The following PPFIA2 variants were observed in gnomAD, a reference collection of about 807,000 sequenced individuals.
The protein encoded by PPFIA2 is PPFI scaffold protein A2, also known as liprin-alpha-2.
In PPFIA2, 46 loss-of-function variants were observed where a neutral mutation model predicts 175.5. The ratio of observed to expected loss-of-function variants is 0.26; its 90% confidence interval spans 0.21 to 0.34. The LOEUF (loss-of-function observed/expected upper bound fraction) is 0.34. Ranked by LOEUF, PPFIA2 falls within the 10% of genes least tolerant of loss-of-function variation. PPFIA2 has a pLI of 1.00. For synonymous variants in PPFIA2, 568 were observed against 511.4 expected (o/e 1.11, Z -1.49); for missense variants, 1,179 against 1,506.1 (o/e 0.78, Z 3.60).
intron 4 of PPFIA2, among the ~76,000 whole-genome samples, chr12:81,479,371 T>G (rs1019513284): frequency 6.6e-6 from 1 of 152,198 alleles, no homozygotes; most frequent in South Asian, 2.1e-4. Flanking sequence ...AGGTCTTGAC[T>G]CTTTATCCAA....
chr12:81,543,000 G>A (rs900689797), intron 4 of PPFIA2, among the ~76,000 whole-genome samples: 2 of 152,054 alleles, frequency 1.3e-5, no homozygotes, highest in African/African-American at 2.4e-5. Flanking sequence ...AATTTCTTCC[G>A]CCATTTGTTT....
At chr12:81,421,808 A>C (rs2046290751) in intron 7 of PPFIA2, among the ~76,000 whole-genome samples, 2 of 151,942 alleles carry the variant, frequency 1.3e-5, no homozygotes, top group African/African-American at 4.8e-5. Context: ...TTCATAAGAC[A>C]CTCATTTTAC....
Position 81,597,815 on chromosome 12 carries a change from A to G in PPFIA2, c.303+78976T>C, listed in dbSNP as rs188844581. 756 of 858,296 alleles carry G rather than the reference A, an allele frequency of 8.8e-4. 7 individuals are homozygous for G. In the South Asian group the frequency reaches 0.01, roughly 12 times the overall value. 53.2% of individuals were successfully genotyped at this position (858,296 alleles called of 1,614,324 possible). A position where few individuals can be genotyped will look rare whatever the true frequency, so the allele number is the denominator to read the frequency against. On this transcript the variant is annotated intron_variant, in intron 4 of 32. Transcript: ENST00000549396. Reference sequence around the variant, plus strand: ...ACAGTTTAAAGTAGATTAAACTGACATGCACATTATTCATTCCATACATTT... The same window carrying G: ...ACAGTTTAAAGTAGATTAAACTGACGTGCACATTATTCATTCCATACATTT...
chr12:81,385,771 G>GC lies in PPFIA2; in HGVS notation c.763-1528_763-1527insG, dbSNP rs561152806. On this transcript the variant is annotated intron_variant, in intron 8 of 32. Transcript: ENST00000549396. ...AAGAGTAAAATAATTCAATTATACA[G>GC]TAAGAATAATGGTCTATTACACAGC... 9.2e-5 allele frequency among the ~76,000 whole-genome samples: 14 copies of GC among 152,218 alleles called. 1 individual carries two copies. In the South Asian group the frequency reaches 2.9e-3, roughly 32 times the overall value.
chr12:81,705,179 G>C (rs1421527933), intron 3 of PPFIA2, among the ~76,000 whole-genome samples: 2 of 149,860 alleles, frequency 1.3e-5, no homozygotes, highest in African/African-American at 4.9e-5. Flanking sequence ...GCCGGGCGCA[G>C]TGGCTCACTC....
chr12:81,331,252 C>G (rs941152248), intron 21 of PPFIA2, among the ~76,000 whole-genome samples: 2 of 152,158 alleles, frequency 1.3e-5, no homozygotes, highest in African/African-American at 4.8e-5. Flanking sequence ...CGATTGCCTA[C>G]AGTGTTCAGT....
At chr12:81,682,216 C>T (rs866824765) in intron 3 of PPFIA2, among the ~76,000 whole-genome samples, 19 of 151,792 alleles carry the variant, frequency 1.3e-4, no homozygotes, top group East Asian at 2.0e-4. Context: ...TTATAAGAAG[C>T]GGAAGAGATA....
At chr12:81,460,845 A>G (rs926684064) in intron 4 of PPFIA2, among the ~76,000 whole-genome samples, 1 of 151,974 alleles carries the variant, frequency 6.6e-6, no homozygotes. Flanking sequence ...CTAAAATCTC[A>G]CTGAGGCCTA....
At chr12:81,692,045 T>C (rs865834598) in intron 3 of PPFIA2, among the ~76,000 whole-genome samples, 9 of 151,560 alleles carry the variant, frequency 5.9e-5, no homozygotes, top group African/African-American at 1.7e-4. Context: ...ATTAGGTTAC[T>C]ATAGACTGAC....
chr12:81,574,887 C>T (rs1174148263), intron 4 of PPFIA2, among the ~76,000 whole-genome samples: 1 of 151,540 alleles, frequency 6.6e-6, no homozygotes, highest in Non-Finnish European at 1.5e-5. Flanking sequence ...AACATGTAAC[C>T]AAAAAGACTT....
At chr12:81,263,190 A>C (rs1305763159) in intron 31 of PPFIA2, 41 bp downstream of exon 31, 7 of 1,527,476 alleles carry the variant, frequency 4.6e-6, no homozygotes, top group Non-Finnish European at 6.3e-6. Context: ...TTGGCTAAAC[A>C]AGCTTTTTGC....
At chr12:81,267,060 A>G (rs1206768280) in intron 29 of PPFIA2, 40 bp from the exon 30 acceptor site, 2 of 1,414,924 alleles carry the variant, frequency 1.4e-6, no homozygotes, top group Non-Finnish European at 2.0e-6. Flanking sequence ...CCGAAATCAC[A>G]TTTTATTTTA....
At chr12:81,660,006 C>A (rs2153544908) in intron 4 of PPFIA2, among the ~76,000 whole-genome samples, 1 of 152,250 alleles carries the variant, frequency 6.6e-6, no homozygotes, top group Non-Finnish European at 1.5e-5. Flanking sequence ...AGAAGGAAAA[C>A]TAACAAACAG....
Position 81,603,807 on chromosome 12 carries a change from C to A in PPFIA2, c.303+72984G>T, listed in dbSNP as rs1260566543. 7.8e-5 allele frequency among the ~76,000 whole-genome samples: 9 copies of A among 115,440 alleles called. No individual in the cohort carries two copies. In the Admixed American group the frequency reaches 8.8e-4, roughly 11 times the overall value. The allele number at this position is 115,440 out of a possible 152,430, so 75.7% of individuals were successfully genotyped here. ...GAAAGTAGAATACCTTTTTCAAGGA[C>A]AGAATCACTATTCTGACTAAAAAAA... On this transcript the variant is annotated intron_variant, in intron 4 of 32. Transcript: ENST00000549396.
chr12:81,708,873 G>T (rs562140264), intron 3 of PPFIA2, among the ~76,000 whole-genome samples: 1 of 152,110 alleles, frequency 6.6e-6, no homozygotes, highest in Admixed American at 6.6e-5. Flanking sequence ...TGTTAGGGAA[G>T]ACAAAACAGT....
Position 81,259,501 on chromosome 12 carries a change from T to C in PPFIA2, c.*193A>G. 1.3e-6 allele frequency: 1 copy of C among 779,582 alleles called. No homozygotes were observed. The highest frequency in any genetic ancestry group is 2.1e-6 in the Non-Finnish European group (1 of 474,060). 48.3% of individuals were successfully genotyped at this position (779,582 alleles called of 1,614,324 possible). A position where few individuals can be genotyped will look rare whatever the true frequency, so the allele number is the denominator to read the frequency against. On this transcript the variant is annotated 3_prime_UTR_variant, in exon 33 of 33. Coordinates refer to ENST00000549396, the MANE Select transcript of PPFIA2 (RefSeq NM_003625.5). ...TTTATTACAATTTGTAGTAAACTAATCAAATGTAATATCTGACTCCCCCCA... is the reference window on the plus strand; with the variant it reads ...TTTATTACAATTTGTAGTAAACTAACCAAATGTAATATCTGACTCCCCCCA...
At chr12:81,345,468 A>C (rs2058897776) in intron 18 of PPFIA2, among the ~76,000 whole-genome samples, 1 of 152,030 alleles carries the variant, frequency 6.6e-6, no homozygotes, top group African/African-American at 2.4e-5. Context: ...TCATGAAAGC[A>C]CTGGCATCTT....
At chr12:81,649,441 T>C (rs941806017) in intron 4 of PPFIA2, among the ~76,000 whole-genome samples, 1 of 152,308 alleles carries the variant, frequency 6.6e-6, no homozygotes, top group African/African-American at 2.4e-5. Flanking sequence ...TGGATCAATT[T>C]AGAATTCTCA....
chr12:81,553,399 G>A (rs546363126), intron 4 of PPFIA2, among the ~76,000 whole-genome samples: 26 of 151,886 alleles, frequency 1.7e-4, no homozygotes, highest in Non-Finnish European at 3.1e-4. Context: ...TCTTTTGAAC[G>A]TTAGCTTGTC....
Sources: gnomAD v4.1 joint callset for allele counts (sites outside exome capture counted in the v4.1 genomes callset) on GRCh38, gnomAD v4.1.1 for gene constraint, MANE v1.5 for transcripts, NCBI Gene and HGNC (gene_info 2026-07-23, HGNC 2026-07-21) for gene names.